MOB3B: variants seen among roughly 807,000 people sequenced by gnomAD.
MOB3B encodes the protein MOB kinase activator-like 2B.
In MOB3B, 7 loss-of-function variants were observed where a neutral mutation model predicts 18.7. That is an observed-to-expected ratio of 0.37 (90% CI 0.21 to 0.70). MOB3B has a LOEUF of 0.70. MOB3B is among the 30% of genes least tolerant of loss of function. MOB3B has a pLI of 0.52. For missense variants in MOB3B, 253 were observed against 281.3 expected, an observed-to-expected ratio of 0.90 and a Z score of 0.72; for synonymous variants, 111 against 99.9, an observed-to-expected ratio of 1.11 and a Z score of -0.66.
chr9:27,380,994 T>G (rs1290492492), intron 2 of MOB3B, among the ~76,000 whole-genome samples: 1 of 152,144 alleles, frequency 6.6e-6, no homozygotes, highest in East Asian at 1.9e-4. Flanking sequence ...TCACTACCTC[T>G]CACTGGGCTC....
At chr9:27,362,943 T>C (rs1434405481) in intron 2 of MOB3B, among the ~76,000 whole-genome samples, 2 of 152,346 alleles carry the variant, frequency 1.3e-5, no homozygotes, top group South Asian at 4.1e-4. Flanking sequence ...TCCCTTCAGA[T>C]GGCGAGACCT....
At chr9:27,361,303 T>C (rs2131358243) in intron 2 of MOB3B, among the ~76,000 whole-genome samples, 1 of 152,170 alleles carries the variant, frequency 6.6e-6, no homozygotes, top group Middle Eastern at 3.4e-3. Flanking sequence ...TATTACAGAG[T>C]ACAACGCTCT....
chr9:27,418,782 A>G (rs1475251195), intron 2 of MOB3B, among the ~76,000 whole-genome samples: 2 of 152,066 alleles, frequency 1.3e-5, no homozygotes, highest in Non-Finnish European at 2.9e-5. Flanking sequence ...ACAAGACAAG[A>G]ATGCCCACTC....
intron 1 of MOB3B, among the ~76,000 whole-genome samples, chr9:27,466,443 C>A (rs1819383616): frequency 6.6e-6 from 1 of 152,210 alleles, no homozygotes; most frequent in South Asian, 2.1e-4. Context: ...CTTCTGAACC[C>A]TTCACATTGT....
At chr9:27,375,901 T>C (rs1044717374) in intron 2 of MOB3B, among the ~76,000 whole-genome samples, 2 of 152,238 alleles carry the variant, frequency 1.3e-5, no homozygotes, top group African/African-American at 4.8e-5. Flanking sequence ...TTGTAGAATG[T>C]ATTTACAAGA....
intron 2 of MOB3B, among the ~76,000 whole-genome samples, chr9:27,363,648 T>C (rs912113135): frequency 6.6e-6 from 1 of 152,014 alleles, no homozygotes; most frequent in Non-Finnish European, 1.5e-5. Flanking sequence ...TAAAAGGAGA[T>C]AGAGATTTGG....
At chr9:27,504,734 C>T (rs576297846) in intron 1 of MOB3B, among the ~76,000 whole-genome samples, 1 of 152,354 alleles carries the variant, frequency 6.6e-6, no homozygotes, top group African/African-American at 2.4e-5. Flanking sequence ...TATCAAACCT[C>T]ATTATTCATT....
intron 3 of MOB3B, among the ~76,000 whole-genome samples, chr9:27,342,280 T>C (rs1451444854): frequency 6.6e-6 from 1 of 152,226 alleles, no homozygotes; most frequent in Non-Finnish European, 1.5e-5. Flanking sequence ...AAAACTGACC[T>C]GGCAATAAAT....
chr9:27,342,678 G>A (rs1820964910), intron 3 of MOB3B, among the ~76,000 whole-genome samples: 1 of 152,154 alleles, frequency 6.6e-6, no homozygotes, highest in Non-Finnish European at 1.5e-5. Flanking sequence ...TTGTTGGCCG[G>A]GCTGGTCTCC....
chr9:27,493,339 C>T (rs1819847994), intron 1 of MOB3B, among the ~76,000 whole-genome samples: 1 of 152,102 alleles, frequency 6.6e-6, no homozygotes, highest in Admixed American at 6.5e-5. Flanking sequence ...AATCTCTAAA[C>T]ATAAATTGTA....
At chr9:27,376,772 A>C (rs1301029859) in intron 2 of MOB3B, among the ~76,000 whole-genome samples, 1 of 152,232 alleles carries the variant, frequency 6.6e-6, no homozygotes, top group Non-Finnish European at 1.5e-5. Context: ...GCAAATTCCC[A>C]GGCCTCAACC....
chr9:27,484,960 G>C (rs1174046170), intron 1 of MOB3B, among the ~76,000 whole-genome samples: 2 of 152,164 alleles, frequency 1.3e-5, no homozygotes, highest in East Asian at 3.9e-4. Flanking sequence ...TTGACTCCCA[G>C]CCTTTAACCC....
chr9:27,361,948 A>G (rs1821280281), intron 2 of MOB3B, among the ~76,000 whole-genome samples: 1 of 152,164 alleles, frequency 6.6e-6, no homozygotes, highest in Non-Finnish European at 1.5e-5. Flanking sequence ...CAGCTGTGCC[A>G]GTTTATCTGT....
intron 1 of MOB3B, among the ~76,000 whole-genome samples, chr9:27,519,334 A>G (rs1587274958): frequency 1.3e-5 from 2 of 152,228 alleles, no homozygotes; most frequent in Admixed American, 1.3e-4. Context: ...ATATCCATAA[A>G]GGGCTGATAA....
chr9:27,344,963 G>A (rs947572671), intron 3 of MOB3B, among the ~76,000 whole-genome samples: 1 of 152,226 alleles, frequency 6.6e-6, no homozygotes, highest in South Asian at 2.1e-4. Context: ...GCCAACTGGC[G>A]ATGACACTGG....
intron 1 of MOB3B, among the ~76,000 whole-genome samples, chr9:27,466,833 T>C (rs545772073): frequency 2.6e-5 from 4 of 152,110 alleles, no homozygotes; most frequent in Admixed American, 6.5e-5. Context: ...CGTCCTACAA[T>C]ATGTGGGAAT....
In MOB3B at chr9:27,371,247, G is replaced by A. The variant is rs114176031; in HGVS notation, c.419-12011C>T. Reference sequence around the variant, plus strand: ...CATTGATCCTCTTTGTACAGTTGGGGGAACCCAGAAAGAACAATTGGAACC... The same window carrying A: ...CATTGATCCTCTTTGTACAGTTGGGAGAACCCAGAAAGAACAATTGGAACC... On this transcript the variant is annotated intron_variant, in intron 2 of 3. Coordinates refer to ENST00000262244, the MANE Select transcript of MOB3B (RefSeq NM_024761.5). 6.9e-3 allele frequency among the ~76,000 whole-genome samples: 1,056 copies of A among 152,290 alleles called. 18 individuals carry two copies. Among genetic ancestry groups the A allele is most frequent in the African/African-American group, 0.024 (993 of 41,556 alleles).
At chr9:27,426,832 C>A (rs1310384642) in intron 2 of MOB3B, among the ~76,000 whole-genome samples, 1 of 152,198 alleles carries the variant, frequency 6.6e-6, no homozygotes, top group Non-Finnish European at 1.5e-5. Flanking sequence ...TAATCCCCGC[C>A]TCCCACCTCC....
At chr9:27,411,770 C>T (rs1587192247) in intron 2 of MOB3B, among the ~76,000 whole-genome samples, 5 of 152,178 alleles carry the variant, frequency 3.3e-5, no homozygotes, top group Admixed American at 6.6e-5. Flanking sequence ...TGACAATATA[C>T]ATTTGCCAAA....
Sources: gnomAD v4.1 joint callset for allele counts (sites outside exome capture counted in the v4.1 genomes callset) on GRCh38, gnomAD v4.1.1 for gene constraint, MANE v1.5 for transcripts, NCBI Gene and HGNC (gene_info 2026-07-23, HGNC 2026-07-21) for gene names.